The following ANKHD1 variants were observed in gnomAD, a reference collection of about 807,000 sequenced individuals.
ANKHD1 encodes ankyrin repeat and KH domain containing 1, also known as ankyrin repeat and KH domain-containing protein 1.
ANKHD1 carries 31 observed loss-of-function variants against 230.5 expected under a neutral mutation model. The ratio of observed to expected loss-of-function variants is 0.13; its 90% CI spans 0.10 to 0.18. ANKHD1 has a LOEUF of 0.18. Ranked by LOEUF, ANKHD1 falls within the 10% of genes least tolerant of loss-of-function variation. The pLI is 1.00. For missense variants in ANKHD1, 2,256 were observed against 3,071.3 expected, an observed-to-expected ratio of 0.73 and a Z score of 6.27; for synonymous variants, 1,074 against 1,117.6, an observed-to-expected ratio of 0.96 and a Z score of 0.78.
intron 14 of ANKHD1, among the ~76,000 whole-genome samples, chr5:140,489,449 C>T (rs1469885003): frequency 1.3e-5 from 2 of 151,936 alleles, no homozygotes; most frequent in Admixed American, 6.6e-5. Context: ...ATGATTGTAC[C>T]ACTGCACTCC....
intron 22 of ANKHD1, 126 bp from the exon 23 acceptor site, chr5:140,512,701 AT>A (rs1752823395): frequency 2.8e-6 from 2 of 723,202 alleles, no homozygotes; most frequent in East Asian, 6.6e-5. Context: ...TTATTCTTAA[AT>A]TGGTAGGCAT....
rs564913947 is a variant in ANKHD1 at position 140,429,901 on chromosome 5, C to A, written c.307-6203C>A. ...ATAGCTGGATTAATAAATGATTTTT[C>A]AAACTAGACTTTGGCCAGAGTGACT... On this transcript the variant is annotated intron_variant, in intron 1 of 33. Transcript: ENST00000360839. Among the ~76,000 whole-genome samples, 4 of 152,162 alleles carry A rather than the reference C, an allele frequency of 2.6e-5. No individual in the cohort carries two copies. The East Asian group carries it at 7.7e-4, about 29-fold the overall frequency.
At chr5:140,513,516 T>C (rs1382529689) in intron 24 of ANKHD1, 37 bp downstream of exon 24, 4 of 1,601,906 alleles carry the variant, frequency 2.5e-6, no homozygotes, top group South Asian at 1.1e-5. Context: ...TTAGAAATTA[T>C]TGAGGGTGGG....
chr5:140,411,971 C>A (rs2126849645), intron 1 of ANKHD1, among the ~76,000 whole-genome samples: 1 of 152,056 alleles, frequency 6.6e-6, no homozygotes, highest in Admixed American at 6.6e-5. Context: ...CGATCCTCCC[C>A]TTTCAGCCTC....
Position 140,528,165 on chromosome 5 carries a change from G to GTTT in ANKHD1, c.5238-10_5238-8dup. 7.9e-6 allele frequency: 9 copies of GTTT among 1,135,164 alleles called. No homozygotes were observed. The highest frequency in any genetic ancestry group is 3.2e-5 in the East Asian group (1 of 31,240). The allele number at this position is 1,135,164 out of a possible 1,614,324, so 70.3% of individuals were successfully genotyped here. A position where few individuals can be genotyped will look rare whatever the true frequency, so the allele number is the denominator to read the frequency against. ...TTTTAATGTTTTTGGTCTTGTTTCT[G>GTTT]TTTTTTTTTTTCCCTTAGGGGTGGC... On this transcript the variant is annotated intron_variant, in intron 28 of 33. Coordinates refer to ENST00000360839, the MANE Select transcript of ANKHD1 (RefSeq NM_017747.3).
intron 1 of ANKHD1, 114 bp downstream of exon 1, chr5:140,402,387 G>C: frequency 7.4e-7 from 1 of 1,345,192 alleles, no homozygotes; most frequent in African/African-American, 1.5e-5. Context: ...CTGTGACAGC[G>C]GTCGGCTCCA....
At chr5:140,470,497 C>G (rs1286550040) in intron 10 of ANKHD1, among the ~76,000 whole-genome samples, 1 of 149,350 alleles carries the variant, frequency 6.7e-6, no homozygotes, top group South Asian at 2.1e-4. Context: ...CCTCATCTCG[C>G]TTGTTTGTAT....
rs1390176674 is a variant in ANKHD1 at position 140,537,800 on chromosome 5, ACAAAAGATT to A, written c.7228+216_7228+224del. The A allele has an allele frequency of 1.3e-5, 12 of 912,480 alleles. No homozygotes were observed. The East Asian group carries it at 3.5e-4, about 27-fold the overall frequency. The allele number at this position is 912,480 out of a possible 1,614,324, so 56.5% of individuals were successfully genotyped here. A position where few individuals can be genotyped will look rare whatever the true frequency, so the allele number is the denominator to read the frequency against. Reference sequence around the variant, plus strand: ...AGGTAATACATAGAGTTAATCAGAAACAAAAGATTCAAAGTGTGTGTCCTTTCTCTCTTA... The same window carrying A: ...AGGTAATACATAGAGTTAATCAGAAACAAAGTGTGTGTCCTTTCTCTCTTA... On this transcript the variant is annotated intron_variant, in intron 31 of 33. Transcript: ENST00000360839.
At chr5:140,521,444 G>A (rs924709368) in intron 24 of ANKHD1, among the ~76,000 whole-genome samples, 3 of 151,672 alleles carry the variant, frequency 2.0e-5, no homozygotes, top group East Asian at 1.9e-4. Context: ...AGACCAGCCT[G>A]GGCAACATAG....
At chr5:140,495,747 C>T (rs1752006093) in intron 14 of ANKHD1, among the ~76,000 whole-genome samples, 2 of 152,162 alleles carry the variant, frequency 1.3e-5, no homozygotes, top group Non-Finnish European at 2.9e-5. Context: ...TGTTTGTTAA[C>T]ATATACTGTC....
At chr5:140,497,356 T>C in intron 15 of ANKHD1, 78 bp downstream of exon 15, 1 of 1,500,306 alleles carries the variant, frequency 6.7e-7, no homozygotes, top group Admixed American at 2.2e-5. Context: ...TCCAAAAACG[T>C]AGACTTTGTA....
intron 10 of ANKHD1, chr5:140,472,245 C>T (rs1363263712): frequency 1.2e-6 from 2 of 1,612,090 alleles, no homozygotes; most frequent in Non-Finnish European, 1.7e-6. Context: ...GCAGGACAAG[C>T]AGGAGGACAT....
At position 140,529,197 on chromosome 5, in the gene ANKHD1, C is replaced by T. The variant is rs745708780; in HGVS notation, c.6251C>T (p.Ser2084Phe). 1.3e-5 allele frequency: 21 copies of T among 1,614,232 alleles called. No individual in the cohort carries two copies. The highest frequency in any genetic ancestry group is 1.8e-5 in the Non-Finnish European group (21 of 1,180,044). ...SSNTQEEAQP[S>F]SVSDLSPMSM... ...AACACACAAGAGGAGGCACAGCCAT[C>T]CAGTGTGTCTGATTTAAGTCCTATG... Residue 2084 changes from serine to phenylalanine, a missense_variant, in exon 29 of 34, where the codon TCC becomes TTC. Around this residue, in one of 13 missense-constraint regions of ANKHD1, gnomAD observed 778 missense variants for 966.5 expected, o/e 0.80. Coordinates refer to ENST00000360839, the MANE Select transcript of ANKHD1 (RefSeq NM_017747.3).
intron 9 of ANKHD1, among the ~76,000 whole-genome samples, chr5:140,459,817 T>C (rs1274054575): frequency 6.6e-6 from 1 of 152,162 alleles, no homozygotes; most frequent in Admixed American, 6.5e-5. Context: ...AAAAGACTTA[T>C]ATTGCTTTCT....
At chr5:140,417,574 A>G (rs991585121) in intron 1 of ANKHD1, among the ~76,000 whole-genome samples, 42 of 151,736 alleles carry the variant, frequency 2.8e-4, no homozygotes, top group African/African-American at 8.7e-4. Flanking sequence ...TCGGCCTCCT[A>G]AGTATAGCTG....
At chr5:140,404,805 C>T (rs1770288252) in intron 1 of ANKHD1, among the ~76,000 whole-genome samples, 1 of 151,778 alleles carries the variant, frequency 6.6e-6, no homozygotes, top group Non-Finnish European at 1.5e-5. Flanking sequence ...GGTGGTCCTC[C>T]TACCTCAGCC....
At chr5:140,409,361 C>T (rs1446149363) in intron 1 of ANKHD1, among the ~76,000 whole-genome samples, 2 of 151,992 alleles carry the variant, frequency 1.3e-5, no homozygotes, top group Non-Finnish European at 1.5e-5. Flanking sequence ...TTCAGTTGTC[C>T]ATGAAAATGA....
At chr5:140,443,200 G>T (rs1774001404) in intron 5 of ANKHD1, among the ~76,000 whole-genome samples, 1 of 151,890 alleles carries the variant, frequency 6.6e-6, no homozygotes, top group Non-Finnish European at 1.5e-5. Context: ...ATCGCTCCAG[G>T]CCTATTTTAT....
chr5:140,415,589 C>T (rs1306616404), intron 1 of ANKHD1, among the ~76,000 whole-genome samples: 1 of 150,810 alleles, frequency 6.6e-6, no homozygotes. Context: ...CAGGTGCACG[C>T]CACCACGCCC....
Sources: allele counts gnomAD v4.1 joint callset (sites outside exome capture counted in the v4.1 genomes callset), GRCh38; gene constraint gnomAD v4.1.1; regional missense constraint gnomAD v4.1.1; transcripts MANE v1.5; gene names NCBI Gene and HGNC (gene_info 2026-07-23, HGNC 2026-07-21).